The following KCTD16 variants were observed in gnomAD, a reference collection of about 807,000 sequenced individuals.
KCTD16 encodes the protein potassium channel tetramerization domain containing 16, also known as BTB/POZ domain-containing protein KCTD16.
Under a neutral mutation model 33.2 loss-of-function variants are expected in KCTD16, and 13 were observed. The observed-to-expected ratio is 0.39, with a 90% CI of 0.25 to 0.62. The LOEUF is 0.62. Among genes scored for constraint, KCTD16 ranks in the 20% least tolerant of loss-of-function variants. KCTD16 has a pLI of 0.50. For missense variants in KCTD16, 441 were observed against 525.1 expected (o/e 0.84, Z 1.57); for synonymous variants, 197 against 195.3 (o/e 1.01, Z -0.07).
At chr5:144,221,488 A>G (rs551925129) in intron 3 of KCTD16, among the ~76,000 whole-genome samples, 13 of 151,670 alleles carry the variant, frequency 8.6e-5, no homozygotes, top group African/African-American at 2.9e-4. Context: ...TCATTGTTCA[A>G]CTCTCACTTA....
chr5:144,457,931 A>T (rs915552869), intron 3 of KCTD16, among the ~76,000 whole-genome samples: 1 of 152,228 alleles, frequency 6.6e-6, no homozygotes, highest in Non-Finnish European at 1.5e-5. Flanking sequence ...TAACAAGGCC[A>T]CATTTGCTCA....
intron 3 of KCTD16, among the ~76,000 whole-genome samples, chr5:144,428,214 C>T (rs183966320): frequency 1.7e-4 from 26 of 152,254 alleles, no homozygotes; most frequent in African/African-American, 5.5e-4. Context: ...AACTCAAGAA[C>T]ATTGGAAATA....
intron 3 of KCTD16, among the ~76,000 whole-genome samples, chr5:144,279,665 G>A (rs1184449475): frequency 2.0e-5 from 3 of 152,156 alleles, no homozygotes; most frequent in Admixed American, 1.3e-4. Context: ...CAAACAAGAA[G>A]GAGCCAAACT....
intron 3 of KCTD16, among the ~76,000 whole-genome samples, chr5:144,430,782 C>A (rs1202595317): frequency 6.6e-6 from 1 of 150,806 alleles, no homozygotes; most frequent in Admixed American, 6.6e-5. Flanking sequence ...GGATACTGAT[C>A]CAGCCTCCCA....
intron 3 of KCTD16, among the ~76,000 whole-genome samples, chr5:144,230,701 T>A (rs1561537101): frequency 1.3e-5 from 2 of 152,116 alleles, no homozygotes; most frequent in Admixed American, 1.3e-4. Flanking sequence ...CAGGGATGTA[T>A]AATGTATGAA....
chr5:144,393,378 A>G (rs181274507), intron 3 of KCTD16, among the ~76,000 whole-genome samples: 87 of 152,294 alleles, frequency 5.7e-4, no homozygotes, highest in African/African-American at 2.0e-3. Context: ...TTTAGTTTCT[A>G]ACTTGTTTTT....
chr5:144,215,046 G>T (rs1218642115), intron 3 of KCTD16, among the ~76,000 whole-genome samples: 5 of 152,104 alleles, frequency 3.3e-5, no homozygotes, highest in Non-Finnish European at 7.4e-5. Flanking sequence ...GAACTGGAGG[G>T]CAGTGATGGT....
chr5:144,465,200 ACT>A (rs1021181326), intron 3 of KCTD16, among the ~76,000 whole-genome samples: 26 of 74,248 alleles, frequency 3.5e-4, no homozygotes, highest in Admixed American at 7.4e-4. Flanking sequence ...TCTCTCTCTC[ACT>A]CTCTCTCTCT....
intron 3 of KCTD16, among the ~76,000 whole-genome samples, chr5:144,358,510 A>G (rs1751626698): frequency 1.3e-5 from 2 of 152,196 alleles, no homozygotes; most frequent in Non-Finnish European, 2.9e-5. Context: ...CAAAGTTAAC[A>G]TTCGAGGCCT....
chr5:144,296,620 G>T (rs1756044789), intron 3 of KCTD16, among the ~76,000 whole-genome samples: 2 of 152,090 alleles, frequency 1.3e-5, no homozygotes, highest in Non-Finnish European at 2.9e-5. Flanking sequence ...CTAAGTGCCT[G>T]AGTTGTAAAC....
chr5:144,215,224 A>C (rs1753525354), intron 3 of KCTD16, among the ~76,000 whole-genome samples: 1 of 152,086 alleles, frequency 6.6e-6, no homozygotes, highest in Non-Finnish European at 1.5e-5. Context: ...AGCAGCAAAG[A>C]CTCCTGTGGT....
chr5:144,344,888 A>G (rs1195177670), intron 3 of KCTD16, among the ~76,000 whole-genome samples: 1 of 151,680 alleles, frequency 6.6e-6, no homozygotes, highest in Non-Finnish European at 1.5e-5. Flanking sequence ...TCATGCTGCT[A>G]TAAAGAGACA....
chr5:144,237,037 A>G (rs962088950), intron 3 of KCTD16, among the ~76,000 whole-genome samples: 1 of 152,054 alleles, frequency 6.6e-6, no homozygotes, highest in Non-Finnish European at 1.5e-5. Context: ...GATTAGTTCT[A>G]GATGGTTGGA....
At chr5:144,241,860 G>T (rs1754413290) in intron 3 of KCTD16, among the ~76,000 whole-genome samples, 2 of 152,138 alleles carry the variant, frequency 1.3e-5, no homozygotes, top group African/African-American at 2.4e-5. Flanking sequence ...TGTGTTTCAT[G>T]AAATGTGAAA....
chr5:144,424,767 C>T (rs1034511090), intron 3 of KCTD16, among the ~76,000 whole-genome samples: 2 of 152,104 alleles, frequency 1.3e-5, no homozygotes, highest in African/African-American at 2.4e-5. Flanking sequence ...CAAAAGCCCA[C>T]TTCTGTGCCA....
chr5:144,327,396 T>TA (rs942564277), intron 3 of KCTD16, among the ~76,000 whole-genome samples: 5 of 152,170 alleles, frequency 3.3e-5, no homozygotes, highest in Non-Finnish European at 5.9e-5. Flanking sequence ...CTTCAACTAT[T>TA]ACCTTTTTTG....
intron 3 of KCTD16, among the ~76,000 whole-genome samples, chr5:144,300,258 A>G (rs1751392908): frequency 6.6e-6 from 1 of 152,076 alleles, no homozygotes; most frequent in Admixed American, 6.5e-5. Context: ...CTAGCCAGTT[A>G]CTCTTTTGCA....
intron 3 of KCTD16, among the ~76,000 whole-genome samples, chr5:144,219,215 A>AT (rs1049701195): frequency 4.0e-4 from 60 of 151,276 alleles, no homozygotes; most frequent in African/African-American, 1.3e-3. Flanking sequence ...TTATTTTTTT[A>AT]TTTTTTTTAT....
intron 3 of KCTD16, among the ~76,000 whole-genome samples, chr5:144,255,980 G>C (rs1328715757): frequency 6.6e-6 from 1 of 152,202 alleles, no homozygotes; most frequent in Non-Finnish European, 1.5e-5. Flanking sequence ...AGCATACTGA[G>C]TCACTCAGAG....
Sources: allele counts gnomAD v4.1 joint callset (sites outside exome capture counted in the v4.1 genomes callset), GRCh38; gene constraint gnomAD v4.1.1; transcripts MANE v1.5; gene names NCBI Gene and HGNC (gene_info 2026-07-23, HGNC 2026-07-21).